MACROD2: variants seen among roughly 807,000 people sequenced by gnomAD.
The protein encoded by MACROD2 is ADP-ribose glycohydrolase MACROD2.
Under a neutral mutation model 70.4 loss-of-function variants are expected in MACROD2, and 36 were observed. The observed-to-expected ratio is 0.51, with a 90% CI of 0.39 to 0.68. The LOEUF (loss-of-function observed/expected upper bound fraction) is 0.68, where lower values mean the gene tolerates loss of function less well. Among genes scored for constraint, MACROD2 ranks in the 30% least tolerant of loss-of-function variants. The probability of loss-of-function intolerance (pLI) is 0.00; values close to 1 mark genes in which losing one functional copy is unlikely to be tolerated. For synonymous variants in MACROD2, 172 were observed against 178.8 expected (o/e 0.96, Z 0.30); for missense variants, 496 against 538.4 (o/e 0.92, Z 0.78).
At chr20:15,186,613 T>A (rs2076536185) in intron 5 of MACROD2, among the ~76,000 whole-genome samples, 1 of 152,148 alleles carries the variant, frequency 6.6e-6, no homozygotes, top group African/African-American at 2.4e-5. Flanking sequence ...TTGGGTTAAA[T>A]CTGGTAAATC....
At chr20:14,941,632 G>T (rs2047057017) in intron 5 of MACROD2, among the ~76,000 whole-genome samples, 1 of 152,052 alleles carries the variant, frequency 6.6e-6, no homozygotes, top group Admixed American at 6.5e-5. Flanking sequence ...TAGTTCTAGG[G>T]TATTGCTGGT....
At chr20:15,631,407 AT>A (rs150732036) in intron 8 of MACROD2, among the ~76,000 whole-genome samples, 6,724 of 150,722 alleles carry the variant, frequency 0.045, 259 homozygotes, top group African/African-American at 0.1. Flanking sequence ...TCAAATGATG[AT>A]TTTTTTTTTC....
chr20:14,273,941 C>G (rs948281650), intron 3 of MACROD2, among the ~76,000 whole-genome samples: 2 of 152,160 alleles, frequency 1.3e-5, no homozygotes, highest in African/African-American at 2.4e-5. Flanking sequence ...CAAGACTAAA[C>G]CAGGAAGAAG....
chr20:14,093,384 G>A (rs1368709858), intron 3 of MACROD2, among the ~76,000 whole-genome samples: 1 of 152,028 alleles, frequency 6.6e-6, no homozygotes, highest in Admixed American at 6.6e-5. Flanking sequence ...ACCTTGCCTG[G>A]CCTTTGTTTT....
chr20:14,936,042 T>C (rs1183840127), intron 5 of MACROD2, among the ~76,000 whole-genome samples: 1 of 152,166 alleles, frequency 6.6e-6, no homozygotes, highest in African/African-American at 2.4e-5. Context: ...ACAGCTGAGG[T>C]CTTTGCCCTC....
At chr20:15,752,098 G>C (rs187702335) in intron 8 of MACROD2, among the ~76,000 whole-genome samples, 5 of 151,858 alleles carry the variant, frequency 3.3e-5, no homozygotes, top group Non-Finnish European at 5.9e-5. Context: ...TACTTAATGC[G>C]TACAGAGATG....
intron 5 of MACROD2, among the ~76,000 whole-genome samples, chr20:15,207,448 T>TGG (rs1568637066): frequency 8.2e-6 from 1 of 121,944 alleles, no homozygotes; most frequent in Admixed American, 8.7e-5. Context: ...TTTTTTTTTT[T>TGG]TTTTTTTTTC....
chr20:15,790,570 A>G (rs1444364345), intron 8 of MACROD2, among the ~76,000 whole-genome samples: 1 of 151,924 alleles, frequency 6.6e-6, no homozygotes, highest in East Asian at 1.9e-4. Flanking sequence ...TATGTGATTT[A>G]TGTCTCTGAT....
intron 8 of MACROD2, among the ~76,000 whole-genome samples, chr20:15,789,850 A>G (rs2089900902): frequency 6.6e-6 from 1 of 152,054 alleles, no homozygotes; most frequent in African/African-American, 2.4e-5. Flanking sequence ...GCATGTTAAC[A>G]ATTCTCAAAA....
At chr20:14,370,096 A>G (rs543465091) in intron 3 of MACROD2, among the ~76,000 whole-genome samples, 1 of 152,316 alleles carries the variant, frequency 6.6e-6, no homozygotes, top group South Asian at 2.1e-4. Context: ...ATGGAAATTA[A>G]TTTATCTCAG....
intron 8 of MACROD2, among the ~76,000 whole-genome samples, chr20:15,859,846 A>G (rs1457186006): frequency 6.6e-6 from 1 of 152,094 alleles, no homozygotes; most frequent in Non-Finnish European, 1.5e-5. Context: ...AAATGATAAA[A>G]GGCAGATTAT....
intron 7 of MACROD2, among the ~76,000 whole-genome samples, chr20:15,441,985 G>A (rs1222053468): frequency 2.0e-5 from 3 of 152,132 alleles, no homozygotes; most frequent in African/African-American, 7.2e-5. Context: ...CTAAAGAACT[G>A]TTTTGGAGTG....
intron 2 of MACROD2, among the ~76,000 whole-genome samples, chr20:14,058,533 T>A (rs187937674): frequency 9.3e-4 from 141 of 151,980 alleles, no homozygotes; most frequent in South Asian, 7.1e-3. Context: ...TTTTAAAAAA[T>A]TTTTCCTTAT....
intron 8 of MACROD2, among the ~76,000 whole-genome samples, chr20:15,532,785 C>T (rs147469488): frequency 6.6e-6 from 1 of 151,914 alleles, no homozygotes; most frequent in Non-Finnish European, 1.5e-5. Flanking sequence ...TCTTACCCCC[C>T]ATCCTGGTGT....
At chr20:16,037,653 A>G (rs1601363203) in intron 15 of MACROD2, among the ~76,000 whole-genome samples, 1 of 151,916 alleles carries the variant, frequency 6.6e-6, no homozygotes, top group East Asian at 1.9e-4. Context: ...AAGTGCTATG[A>G]GATTTGGTCA....
In MACROD2 at chr20:14,146,360, G is replaced by A. The variant is rs1190132001; in HGVS notation, c.271+60632G>A. Among the ~76,000 whole-genome samples the A allele has an allele frequency of 3.3e-5, 5 of 152,172 alleles. No individual in the cohort carries two copies. The East Asian group carries it at 5.8e-4, about 18-fold the overall frequency. Reference sequence around the variant, plus strand: ...AAAAACAAAGATTTCTGTCAGTATCGGGTTGCTCTGCGATTTAGTGGTTGG... The same window carrying A: ...AAAAACAAAGATTTCTGTCAGTATCAGGTTGCTCTGCGATTTAGTGGTTGG... On this transcript the variant is annotated intron_variant, in intron 3 of 17. Transcript: ENST00000684519.
At chr20:15,060,586 C>T (rs759486294) in intron 5 of MACROD2, among the ~76,000 whole-genome samples, 10 of 152,142 alleles carry the variant, frequency 6.6e-5, no homozygotes, top group South Asian at 2.1e-4. Flanking sequence ...TTTCCCCCAG[C>T]GCCTTCATTT....
intron 5 of MACROD2, among the ~76,000 whole-genome samples, chr20:15,099,218 G>A (rs189498156): frequency 9.9e-5 from 15 of 152,254 alleles, no homozygotes; most frequent in African/African-American, 1.4e-4. Flanking sequence ...ATGAATATTC[G>A]TGTGTCCTCA....
intron 15 of MACROD2, among the ~76,000 whole-genome samples, chr20:16,038,195 C>T (rs994416313): frequency 6.6e-6 from 1 of 151,326 alleles, no homozygotes; most frequent in African/African-American, 2.4e-5. Context: ...TGTTGGTTTT[C>T]AGCAGTTTCA....
Sources: gnomAD v4.1 joint callset for allele counts (sites outside exome capture counted in the v4.1 genomes callset) on GRCh38, gnomAD v4.1.1 for gene constraint, MANE v1.5 for transcripts, NCBI Gene and HGNC (gene_info 2026-07-23, HGNC 2026-07-21) for gene names.